SUCLG2: variants seen among roughly 807,000 people sequenced by gnomAD.
SUCLG2 encodes the protein succinate-CoA ligase GDP-forming subunit beta, also known as succinate--CoA ligase [GDP-forming] subunit beta, mitochondrial.
Under a neutral mutation model 47.9 loss-of-function variants are expected in SUCLG2, and 42 were observed. That is an observed-to-expected ratio of 0.88 (90% CI 0.69 to 1.14). The LOEUF is 1.14. Ranked by LOEUF, SUCLG2 falls within the 50% of genes most tolerant of loss-of-function variation. The pLI, the probability that SUCLG2 is intolerant of heterozygous loss-of-function variation, is 0.00. For synonymous variants in SUCLG2, 195 were observed against 197.3 expected (o/e 0.99, Z 0.10); for missense variants, 571 against 525.9 (o/e 1.09, Z -0.84).
At chr3:67,606,824 T>G (rs889807459) in intron 2 of SUCLG2, among the ~76,000 whole-genome samples, 4 of 152,224 alleles carry the variant, frequency 2.6e-5, no homozygotes, top group Non-Finnish European at 4.4e-5. Flanking sequence ...CTTGCCTGTC[T>G]TGCACAGCTG....
At chr3:67,476,941 T>C (rs761048589) in intron 9 of SUCLG2, among the ~76,000 whole-genome samples, 2 of 152,186 alleles carry the variant, frequency 1.3e-5, no homozygotes, top group Non-Finnish European at 2.9e-5. Flanking sequence ...ATTCTGGTCT[T>C]GTGGAGACGC....
chr3:67,557,883 T>G (rs926470395), intron 2 of SUCLG2, among the ~76,000 whole-genome samples: 10 of 152,198 alleles, frequency 6.6e-5, no homozygotes, highest in African/African-American at 2.4e-4. Flanking sequence ...AAGAGTGACC[T>G]TAGGCTTGCA....
At chr3:67,446,620 G>C (rs572962836) in intron 9 of SUCLG2, among the ~76,000 whole-genome samples, 2 of 149,736 alleles carry the variant, frequency 1.3e-5, no homozygotes, top group Non-Finnish European at 3.0e-5. Context: ...TTTTAGTAGA[G>C]ATGGGATTTC....
chr3:67,498,112 T>G, intron 8 of SUCLG2, 22 bp downstream of exon 8: 1 of 1,585,796 alleles, frequency 6.3e-7, no homozygotes, highest in Non-Finnish European at 8.6e-7. Context: ...CAAAGCATTC[T>G]TTTGATATAA....
At chr3:67,652,810 A>G (rs949621534) in intron 1 of SUCLG2, among the ~76,000 whole-genome samples, 1 of 152,136 alleles carries the variant, frequency 6.6e-6, no homozygotes, top group Non-Finnish European at 1.5e-5. Context: ...TTAGGCCTCA[A>G]TTTCTCTACC....
intron 7 of SUCLG2, among the ~76,000 whole-genome samples, chr3:67,508,179 T>TGG (rs551626133): frequency 6.6e-6 from 1 of 151,966 alleles, no homozygotes; most frequent in African/African-American, 2.4e-5. Context: ...AGAGTTCAAC[T>TGG]GGGGGGGACT....
chr3:67,608,683 T>C (rs1270832193), intron 2 of SUCLG2, among the ~76,000 whole-genome samples: 1 of 151,922 alleles, frequency 6.6e-6, no homozygotes, highest in African/African-American at 2.4e-5. Flanking sequence ...TAATTTTTTT[T>C]TTTTTTTTAA....
intron 2 of SUCLG2, among the ~76,000 whole-genome samples, chr3:67,567,906 AACAG>A (rs1221549575): frequency 2.6e-5 from 4 of 152,210 alleles, no homozygotes; most frequent in East Asian, 1.9e-4. Context: ...TGACTCTAAA[AACAG>A]ACAGAGAGGG....
chr3:67,465,962 C>T (rs144302070), intron 9 of SUCLG2, among the ~76,000 whole-genome samples: 105 of 152,220 alleles, frequency 6.9e-4, no homozygotes, highest in Non-Finnish European at 1.1e-3. Context: ...GAGCAAGAAT[C>T]AGGACCCAGC....
chr3:67,564,057 G>C (rs896963793), intron 2 of SUCLG2, among the ~76,000 whole-genome samples: 3 of 151,814 alleles, frequency 2.0e-5, no homozygotes, highest in Non-Finnish European at 4.4e-5. Context: ...TGAAAGAATA[G>C]AGGGAGAGGG....
At chr3:67,531,359 G>A (rs1161765144) in intron 2 of SUCLG2, among the ~76,000 whole-genome samples, 3 of 152,124 alleles carry the variant, frequency 2.0e-5, no homozygotes, top group African/African-American at 4.8e-5. Flanking sequence ...CTGAAGAGAT[G>A]CTTTCCTCTC....
intron 9 of SUCLG2, among the ~76,000 whole-genome samples, chr3:67,478,001 C>T (rs979648347): frequency 6.6e-6 from 1 of 152,160 alleles, no homozygotes; most frequent in African/African-American, 2.4e-5. Context: ...ACGATAGGTA[C>T]TATTATCATG....
At chr3:67,579,534 T>G (rs2107254455) in intron 2 of SUCLG2, among the ~76,000 whole-genome samples, 1 of 152,294 alleles carries the variant, frequency 6.6e-6, no homozygotes, top group South Asian at 2.1e-4. Context: ...CGAACAGATG[T>G]TAATAAGCTT....
At chr3:67,548,969 T>C (rs1293795508) in intron 2 of SUCLG2, among the ~76,000 whole-genome samples, 1 of 152,184 alleles carries the variant, frequency 6.6e-6, no homozygotes, top group Non-Finnish European at 1.5e-5. Flanking sequence ...CAGTCAATTA[T>C]ATGCAAAATA....
At chr3:67,593,284 G>T (rs974630113) in intron 2 of SUCLG2, among the ~76,000 whole-genome samples, 1 of 135,712 alleles carries the variant, frequency 7.4e-6, no homozygotes, top group Non-Finnish European at 1.6e-5. Flanking sequence ...ACATTCAATT[G>T]TGTATCCAGC....
chr3:67,595,387 A>C lies in SUCLG2; in HGVS notation c.226+14068T>G, dbSNP rs866894035. Among the ~76,000 whole-genome samples the C allele has an allele frequency of 3.9e-5, 6 of 152,260 alleles. No individual in the cohort carries two copies. In the South Asian group the frequency reaches 1.2e-3, roughly 32 times the overall value. On this transcript the variant is annotated intron_variant, in intron 2 of 10. Coordinates refer to ENST00000307227, the MANE Select transcript of SUCLG2 (RefSeq NM_003848.4). Reference sequence around the variant, plus strand: ...GGCACCAGGGCTTCTGAGAGTTTTGACTAATAAAATCACCCCAAGAAGGGA... The same window carrying C: ...GGCACCAGGGCTTCTGAGAGTTTTGCCTAATAAAATCACCCCAAGAAGGGA...
At position 67,434,081 on chromosome 3, in the gene SUCLG2, A is replaced by G. The variant is rs1703555719; in HGVS notation, c.1063-33230T>C. Among the ~76,000 whole-genome samples the G allele has an allele frequency of 1.3e-5, 2 of 152,354 alleles. 1 individual carries two copies. The highest frequency in any genetic ancestry group is 4.1e-4 in the South Asian group (2 of 4,826). ...TCGTAAGTACTGATCTTGCAACCCC[A>G]AATCACTAAAGTACGAGTAACTGCT... On this transcript the variant is annotated intron_variant, in intron 9 of 10. Transcript: ENST00000307227.
rs1463164762 is a variant in SUCLG2 at position 67,529,119 on chromosome 3, A to G, written c.294T>C (p.Ser98=). 1 of 1,613,020 alleles carries G rather than the reference A, an allele frequency of 6.2e-7. No homozygotes were observed. The highest frequency in any genetic ancestry group is 1.1e-5 in the South Asian group (1 of 90,828). ...AGGRGKGVFN[S]GLKGGVHLTK... ...TTAAATGAACACCTCCTTTCAAACC[A>G]CTATTGAAGACACCTTTTCCTCTTC... Residue 98 remains serine, a synonymous_variant, in exon 3 of 11, where the codon AGT becomes AGC. Coordinates refer to ENST00000307227, the MANE Select transcript of SUCLG2 (RefSeq NM_003848.4).
At chr3:67,383,258 T>C (rs1488034835) in intron 10 of SUCLG2, among the ~76,000 whole-genome samples, 1 of 152,250 alleles carries the variant, frequency 6.6e-6, no homozygotes, top group Non-Finnish European at 1.5e-5. Flanking sequence ...AAAACTCATC[T>C]GCTCCTTACA....
Sources: allele counts gnomAD v4.1 joint callset (sites outside exome capture counted in the v4.1 genomes callset), GRCh38; gene constraint gnomAD v4.1.1; transcripts MANE v1.5; gene names NCBI Gene and HGNC (gene_info 2026-07-23, HGNC 2026-07-21).